PDE3B: variants seen among roughly 807,000 people sequenced by gnomAD.
PDE3B encodes cGMP-inhibited 3',5'-cyclic phosphodiesterase 3B.
A neutral mutation model predicts 116.8 loss-of-function variants in PDE3B; 66 were observed. That is an observed-to-expected ratio of 0.56 (90% CI 0.46 to 0.69). The LOEUF is 0.69. PDE3B is among the 30% of genes least tolerant of loss of function. PDE3B has a pLI of 0.00. For synonymous variants in PDE3B, 595 were observed against 533.6 expected (o/e 1.12, Z -1.59); for missense variants, 1,384 against 1,368.1 (o/e 1.01, Z -0.18).
At chr11:14,743,040 G>C (rs1352382742) in intron 1 of PDE3B, among the ~76,000 whole-genome samples, 4 of 152,178 alleles carry the variant, frequency 2.6e-5, no homozygotes, top group African/African-American at 9.6e-5. Context: ...GGAGGCACGG[G>C]GGTCAGGGAC....
intron 12 of PDE3B, among the ~76,000 whole-genome samples, chr11:14,846,319 T>A (rs1319088456): frequency 6.6e-6 from 1 of 152,120 alleles, no homozygotes; most frequent in Non-Finnish European, 1.5e-5. Flanking sequence ...AGGCCTGCCC[T>A]AAAAGAGCTC....
At chr11:14,725,315 C>CTTTCTT (rs1367174715) in intron 1 of PDE3B, among the ~76,000 whole-genome samples, 3 of 149,978 alleles carry the variant, frequency 2.0e-5, no homozygotes, top group Non-Finnish European at 4.5e-5. Context: ...CTTTCTCTTT[C>CTTTCTT]TTTCTTTCTT....
At chr11:14,880,754 T>C in the PDE3B span, 1 of 1,607,986 alleles carries the variant, frequency 6.2e-7, no homozygotes, top group South Asian at 1.1e-5. Context: ...CGGCCATATC[T>C]GGAATTGAGT....
At chr11:14,891,817 C>G in the PDE3B span, 1 of 974,710 alleles carries the variant, frequency 1.0e-6, no homozygotes, top group Non-Finnish European at 1.2e-6. Flanking sequence ...TCGAGGACTT[C>G]TCCCTTCCAG....
intron 7 of PDE3B, among the ~76,000 whole-genome samples, chr11:14,828,798 TC>T (rs1426579955): frequency 3.3e-5 from 5 of 152,200 alleles, no homozygotes; most frequent in African/African-American, 1.2e-4. Context: ...GACCCAGCAA[TC>T]CCATTACTGG....
intron 1 of PDE3B, among the ~76,000 whole-genome samples, chr11:14,734,895 A>G (rs1446638995): frequency 6.6e-6 from 1 of 152,152 alleles, no homozygotes; most frequent in African/African-American, 2.4e-5. Flanking sequence ...ATCTTATGTA[A>G]TATCTGTTCT....
chr11:14,737,873 G>GT (rs549564212), intron 1 of PDE3B, among the ~76,000 whole-genome samples: 383 of 147,156 alleles, frequency 2.6e-3, no homozygotes, highest in African/African-American at 9.1e-3. Context: ...GCGGTGTTTG[G>GT]TTTTTTGTCC....
At chr11:14,801,570 G>A (rs567906012) in intron 4 of PDE3B, among the ~76,000 whole-genome samples, 6 of 152,306 alleles carry the variant, frequency 3.9e-5, no homozygotes, top group East Asian at 1.9e-4. Context: ...GTGTCTGTCC[G>A]CCCCTACTGG....
chr11:14,647,899 T>C (rs182909331), intron 1 of PDE3B, among the ~76,000 whole-genome samples: 1 of 151,706 alleles, frequency 6.6e-6, no homozygotes, highest in African/African-American at 2.4e-5. Context: ...AAATGCTATA[T>C]ATGTATCAGT....
rs764851436 is a variant in PDE3B at position 14,779,692 on chromosome 11, T to C, written c.1030-6745T>C. On this transcript the variant is annotated intron_variant, in intron 2 of 15. Transcript: ENST00000282096. ...AGCACTAAACATGGAAAGGAACAAC[T>C]GCTACCAGCCACTGCAAAAACATGC... Among the ~76,000 whole-genome samples, 212 of 152,274 alleles carry C rather than the reference T, an allele frequency of 1.4e-3. 2 individuals are homozygous for C. The highest frequency in any genetic ancestry group is 2.4e-3 in the Non-Finnish European group (165 of 68,020).
At chr11:14,749,042 C>T (rs1856988288) in intron 1 of PDE3B, among the ~76,000 whole-genome samples, 1 of 151,988 alleles carries the variant, frequency 6.6e-6, no homozygotes, top group Non-Finnish European at 1.5e-5. Context: ...GTATGTACCA[C>T]CATGCCTGTC....
chr11:14,786,384 T>C, intron 2 of PDE3B, 53 bp from the exon 3 acceptor site: 1 of 1,349,498 alleles, frequency 7.4e-7, no homozygotes, highest in South Asian at 1.3e-5. Flanking sequence ...CCATTTGTTA[T>C]ATCATTTATG....
intron 13 of PDE3B, among the ~76,000 whole-genome samples, chr11:14,860,320 T>G (rs1429491408): frequency 1.3e-5 from 2 of 151,796 alleles, no homozygotes; most frequent in African/African-American, 4.9e-5. Context: ...CTATTAAGTT[T>G]CAATCAAAAG....
At chr11:14,879,100 G>T in the PDE3B span, 1 of 1,606,338 alleles carries the variant, frequency 6.2e-7, no homozygotes, top group Non-Finnish European at 8.5e-7. Flanking sequence ...TACGCCCCGT[G>T]AAAGTTCTCT....
rs191303089 is a variant in PDE3B, at chr11:14,692,667, A to G, written c.978+47614A>G. On this transcript the variant is annotated intron_variant, in intron 1 of 15. Transcript: ENST00000282096. Reference sequence around the variant, plus strand: ...ACACGAATCACTGCACCCAGAGAAGAGAGCTAACTTAATTGATAAATGTGT... The same window carrying G: ...ACACGAATCACTGCACCCAGAGAAGGGAGCTAACTTAATTGATAAATGTGT... Among the ~76,000 whole-genome samples, 5 of 152,254 alleles carry G rather than the reference A, an allele frequency of 3.3e-5. No individual in the cohort carries two copies. In the East Asian group the frequency reaches 9.7e-4, roughly 29 times the overall value.
chr11:14,741,580 C>G (rs1185505990), intron 1 of PDE3B, among the ~76,000 whole-genome samples: 1 of 152,052 alleles, frequency 6.6e-6, no homozygotes, highest in Non-Finnish European at 1.5e-5. Context: ...GGCATTTAGC[C>G]CATTTACATT....
intron 1 of PDE3B, among the ~76,000 whole-genome samples, chr11:14,686,947 T>C (rs938344308): frequency 4.6e-5 from 7 of 152,160 alleles, no homozygotes; most frequent in Non-Finnish European, 8.8e-5. Flanking sequence ...TCTCCTGACC[T>C]TGTGATCCAC....
chr11:14,890,461 C>T, the PDE3B span: 1 of 979,560 alleles, frequency 1.0e-6, no homozygotes, highest in Non-Finnish European at 1.2e-6. Context: ...TTCCCTTTAA[C>T]AACGTAAACT....
chr11:14,770,143 G>A (rs1373446722), intron 1 of PDE3B, among the ~76,000 whole-genome samples: 1 of 151,292 alleles, frequency 6.6e-6, no homozygotes, highest in Non-Finnish European at 1.5e-5. Context: ...AGTTAAAAAA[G>A]TTAGCAGACC....
Sources: allele counts gnomAD v4.1 joint callset (sites outside exome capture counted in the v4.1 genomes callset), GRCh38; gene constraint gnomAD v4.1.1; transcripts MANE v1.5; gene names NCBI Gene and HGNC (gene_info 2026-07-23, HGNC 2026-07-21).